Variants in PAK5 observed in about 807,000 individuals in gnomAD.
PAK5 encodes p21 (RAC1) activated kinase 5.
Under a neutral mutation model 65.9 loss-of-function variants are expected in PAK5, and 16 were observed. That is an observed-to-expected ratio of 0.24 (90% CI 0.16 to 0.37). The LOEUF is 0.37. PAK5 is among the 10% of genes least tolerant of loss of function. The pLI is 1.00. For synonymous variants in PAK5, 371 were observed against 354.9 expected, an observed-to-expected ratio of 1.05 and a Z score of -0.51; for missense variants, 785 against 903.9, an observed-to-expected ratio of 0.87 and a Z score of 1.69.
intron 1 of PAK5, among the ~76,000 whole-genome samples, chr20:9,765,060 C>T (rs2048742067): frequency 1.3e-5 from 2 of 152,140 alleles, no homozygotes; most frequent in African/African-American, 4.8e-5. Flanking sequence ...CACCTGTCTC[C>T]TTTGCTCCAG....
At chr20:9,694,151 GATAA>G (rs1242964250) in intron 2 of PAK5, among the ~76,000 whole-genome samples, 5 of 152,018 alleles carry the variant, frequency 3.3e-5, no homozygotes, top group African/African-American at 4.8e-5. Flanking sequence ...AGGAATTTAA[GATAA>G]ATAAATTGGA....
At chr20:9,667,787 A>G (rs2047439884) in intron 2 of PAK5, among the ~76,000 whole-genome samples, 1 of 152,192 alleles carries the variant, frequency 6.6e-6, no homozygotes, top group Admixed American at 6.5e-5. Flanking sequence ...TAATGTATAT[A>G]TGCAGATTTA....
At chr20:9,543,025 T>C (rs981413799) in intron 8 of PAK5, among the ~76,000 whole-genome samples, 3 of 152,214 alleles carry the variant, frequency 2.0e-5, no homozygotes, top group Non-Finnish European at 4.4e-5. Flanking sequence ...TCAGGGCAGA[T>C]GAGAAAATCA....
chr20:9,661,411 G>GT (rs901334219), intron 2 of PAK5, among the ~76,000 whole-genome samples: 2 of 151,986 alleles, frequency 1.3e-5, no homozygotes, highest in African/African-American at 2.4e-5. Context: ...GTGAACAATT[G>GT]TTTTTTTCTT....
At chr20:9,657,082 C>CA (rs901658354) in intron 2 of PAK5, among the ~76,000 whole-genome samples, 2 of 152,168 alleles carry the variant, frequency 1.3e-5, no homozygotes, top group Non-Finnish European at 2.9e-5. Flanking sequence ...CCAGCACAAT[C>CA]AGTGTATAGA....
chr20:9,664,478 T>G (rs1210974580), intron 2 of PAK5, among the ~76,000 whole-genome samples: 1 of 152,196 alleles, frequency 6.6e-6, no homozygotes, highest in Non-Finnish European at 1.5e-5. Flanking sequence ...ATATCAAAAA[T>G]GGCTGACAAA....
At chr20:9,752,085 A>C (rs781615647) in intron 1 of PAK5, among the ~76,000 whole-genome samples, 3 of 152,200 alleles carry the variant, frequency 2.0e-5, no homozygotes, top group Non-Finnish European at 4.4e-5. Context: ...AAGGAAGTAC[A>C]CAAAGCTACA....
At chr20:9,563,761 T>A (rs2045628583) in intron 5 of PAK5, among the ~76,000 whole-genome samples, 1 of 152,068 alleles carries the variant, frequency 6.6e-6, no homozygotes, top group South Asian at 2.1e-4. Context: ...GTTTGGAAAA[T>A]AAATTCCAGA....
At chr20:9,708,307 C>T (rs1313016146) in intron 2 of PAK5, among the ~76,000 whole-genome samples, 5 of 152,034 alleles carry the variant, frequency 3.3e-5, no homozygotes, top group Admixed American at 6.6e-5. Flanking sequence ...TTTGGTTAAC[C>T]TTGATGAGTC....
chr20:9,589,468 C>T (rs989688599), intron 3 of PAK5, among the ~76,000 whole-genome samples: 2 of 152,162 alleles, frequency 1.3e-5, no homozygotes, highest in African/African-American at 2.4e-5. Context: ...CAGTTCTCTA[C>T]ATATACCTTT....
rs1320501380 is a variant in PAK5 at position 9,711,295 on chromosome 20, AT to A, written c.-22del. The A allele has an allele frequency of 2.6e-5, 4 of 152,144 alleles. No individual in the cohort carries two copies. The highest frequency in any genetic ancestry group is 7.2e-5 in the African/African-American group (3 of 41,438). The allele number at this position is 152,144 out of a possible 1,614,324, so 9.4% of individuals were successfully genotyped here. A position where few individuals can be genotyped will look rare whatever the true frequency, so the allele number is the denominator to read the frequency against. The stretch of plus-strand genomic sequence containing the variant: ...TAATTTATTCCCCTACCTTTATATG[AT>A]GGCTGTGGATGAATTAAAGACTCCA... On this transcript the variant is annotated 5_prime_UTR_variant, in exon 2 of 10. Coordinates refer to ENST00000353224, the MANE Select transcript of PAK5 (RefSeq NM_177990.4).
intron 2 of PAK5, among the ~76,000 whole-genome samples, chr20:9,656,573 G>A (rs748201771): frequency 8.5e-5 from 13 of 152,192 alleles, no homozygotes; most frequent in Non-Finnish European, 1.5e-4. Context: ...TTATAGAGTA[G>A]AAGGGAGAAG....
At chr20:9,740,357 A>G (rs2048437874) in intron 1 of PAK5, among the ~76,000 whole-genome samples, 1 of 152,146 alleles carries the variant, frequency 6.6e-6, no homozygotes, top group Non-Finnish European at 1.5e-5. Context: ...ATTTGTGTGG[A>G]GGTGGAATAA....
chr20:9,583,717 T>C (rs1404336935), intron 3 of PAK5, among the ~76,000 whole-genome samples: 1 of 152,222 alleles, frequency 6.6e-6, no homozygotes, highest in Non-Finnish European at 1.5e-5. Context: ...TATTCACTGT[T>C]AGAGTGCCAT....
chr20:9,741,863 T>C (rs1469670039), intron 1 of PAK5, among the ~76,000 whole-genome samples: 1 of 151,320 alleles, frequency 6.6e-6, no homozygotes, highest in Non-Finnish European at 1.5e-5. Context: ...CCCAATGATC[T>C]AGCAGAGAAA....
At chr20:9,716,474 A>G (rs145096046) in intron 1 of PAK5, among the ~76,000 whole-genome samples, 1 of 152,202 alleles carries the variant, frequency 6.6e-6, no homozygotes, top group African/African-American at 2.4e-5. Context: ...CAGAAGTAAT[A>G]CTTTGATCCA....
chr20:9,720,653 G>T (rs768637494), intron 1 of PAK5, among the ~76,000 whole-genome samples: 30 of 152,178 alleles, frequency 2.0e-4, no homozygotes, highest in Middle Eastern at 6.8e-3. Flanking sequence ...TGTAGTATAG[G>T]AATGTTCATA....
intron 2 of PAK5, among the ~76,000 whole-genome samples, chr20:9,690,017 A>T (rs1305947388): frequency 2.0e-5 from 3 of 152,236 alleles, no homozygotes; most frequent in African/African-American, 7.2e-5. Context: ...TATTTGAAAA[A>T]AACATACACC....
At position 9,580,414 on chromosome 20, in the gene PAK5, C is replaced by A; in HGVS notation, c.721G>T (p.Gly241Trp). The A allele has an allele frequency of 6.2e-7, 1 of 1,614,090 alleles. No individual in the cohort carries two copies. The highest frequency in any genetic ancestry group is 8.5e-7 in the Non-Finnish European group (1 of 1,180,000). ...SFQFTPSRTA[G>W]TSGCSKESLA... ...CTCTCCTTGGAGCACCCGCTGGTCC[C>A]TGCAGTTCTAGAAGGTGTGAATTGG... Residue 241 changes from glycine to tryptophan, a missense_variant, in exon 4 of 10, where the codon GGG becomes TGG. Gly to Trp is a radical substitution (Grantham distance 184, BLOSUM62 -2). Coordinates refer to ENST00000353224, the MANE Select transcript of PAK5 (RefSeq NM_177990.4).
Sources: gnomAD v4.1 joint callset for allele counts (sites outside exome capture counted in the v4.1 genomes callset) on GRCh38, gnomAD v4.1.1 for gene constraint, MANE v1.5 for transcripts, NCBI Gene and HGNC (gene_info 2026-07-23, HGNC 2026-07-21) for gene names.